CDH11: variants seen among roughly 807,000 people sequenced by gnomAD.
CDH11 encodes cadherin-11.
Under a neutral mutation model 67.8 loss-of-function variants are expected in CDH11, and 11 were observed. That is an observed-to-expected ratio of 0.16 (90% CI 0.10 to 0.27). CDH11 has a LOEUF of 0.27. Ranked by LOEUF, CDH11 falls within the 10% of genes least tolerant of loss-of-function variation. The pLI, the probability that CDH11 is intolerant of heterozygous loss-of-function variation, is 1.00. For missense variants in CDH11, 847 were observed against 1,031.2 expected (o/e 0.82, Z 2.45); for synonymous variants, 419 against 400.0 (o/e 1.05, Z -0.57).
intron 5 of CDH11, 25 bp from the exon 6 acceptor site, chr16:64,991,960 A>C (rs201506118): frequency 1.3e-6 from 2 of 1,537,370 alleles, no homozygotes; most frequent in African/African-American, 1.4e-5. Context: ...AGGCAACATC[A>C]CAGATATTCG....
At chr16:65,119,313 C>T (rs1273535503) in intron 1 of CDH11, among the ~76,000 whole-genome samples, 1 of 152,060 alleles carries the variant, frequency 6.6e-6, no homozygotes, top group Non-Finnish European at 1.5e-5. Context: ...CATGCACATC[C>T]ACAGCCACCA....
intron 2 of CDH11, among the ~76,000 whole-genome samples, chr16:65,043,812 T>C (rs1327157497): frequency 6.6e-6 from 1 of 152,166 alleles, no homozygotes; most frequent in East Asian, 1.9e-4. Context: ...TGTGGTTTGA[T>C]AGAACATTGG....
intron 3 of CDH11, among the ~76,000 whole-genome samples, chr16:65,002,160 A>G (rs542052742): frequency 9.2e-5 from 14 of 152,284 alleles, no homozygotes; most frequent in African/African-American, 3.1e-4. Flanking sequence ...CGGACATCAG[A>G]TTCATTCTCA....
chr16:64,946,006 A>C lies in CDH11; in HGVS notation c.*1597T>G, dbSNP rs2071189840. 9.4e-7 allele frequency: 1 copy of C among 1,058,868 alleles called. No individual in the cohort carries two copies. Among genetic ancestry groups the C allele is most frequent in the Non-Finnish European group, 1.1e-6 (1 of 875,256 alleles). 65.6% of individuals were successfully genotyped at this position (1,058,868 alleles called of 1,614,324 possible). A position where few individuals can be genotyped will look rare whatever the true frequency, so the allele number is the denominator to read the frequency against. On this transcript the variant is annotated 3_prime_UTR_variant, in exon 13 of 13. Transcript: ENST00000268603. ...ACTGAACAGGTGAAATGCCCTTCAC[A>C]TAAGTTTCAATCCCCAAGAAACTAG... is the stretch of plus-strand genomic sequence containing the variant.
At chr16:64,949,308 T>A (rs1411010738) in intron 12 of CDH11, among the ~76,000 whole-genome samples, 1 of 152,170 alleles carries the variant, frequency 6.6e-6, no homozygotes, top group Non-Finnish European at 1.5e-5. Context: ...TTTGAAATAT[T>A]CATTTATCCA....
chr16:64,982,275 G>A lies in CDH11; in HGVS notation c.1026C>T (p.Ala342=). ...KKPVDFETKR[A]YSLKVEAANV... is the part of the protein sequence containing the mutation. ...TGGCTGCCTCTACCTTCAAGCTATA[G>A]GCTCTTTTGGTTTCAAAATCTACAG... The change falls in exon 8 of 13, where the codon GCC becomes GCT. Residue 342 remains alanine (A), a synonymous_variant. Transcript: ENST00000268603. 1 of 1,612,406 alleles carries A rather than the reference G, an allele frequency of 6.2e-7. No individual in the cohort carries two copies. The highest frequency in any genetic ancestry group is 1.1e-5 in the South Asian group (1 of 90,842).
intron 2 of CDH11, among the ~76,000 whole-genome samples, chr16:65,028,292 C>A (rs998484806): frequency 1.3e-5 from 2 of 152,086 alleles, no homozygotes; most frequent in Non-Finnish European, 2.9e-5. Context: ...TCTGCCCCTG[C>A]CTCTGGCATT....
At chr16:64,986,505 C>T (rs1264140452) in intron 7 of CDH11, 1 of 151,912 alleles carries the variant, frequency 6.6e-6, no homozygotes, top group East Asian at 1.9e-4. Context: ...TACCCAATTA[C>T]ATGAACAGCA....
At chr16:65,058,840 A>G (rs2074191128) in intron 1 of CDH11, among the ~76,000 whole-genome samples, 1 of 152,204 alleles carries the variant, frequency 6.6e-6, no homozygotes, top group South Asian at 2.1e-4. Context: ...ATTTTGAAGA[A>G]TGATTGTGGA....
At chr16:64,990,280 G>A (rs900299289) in intron 6 of CDH11, among the ~76,000 whole-genome samples, 1 of 152,136 alleles carries the variant, frequency 6.6e-6, no homozygotes, top group Non-Finnish European at 1.5e-5. Context: ...AATGTTATAT[G>A]AGCCTCAGGC....
At chr16:64,987,464 T>C (rs1190386179) in intron 7 of CDH11, 1 of 152,220 alleles carries the variant, frequency 6.6e-6, no homozygotes, top group Non-Finnish European at 1.5e-5. Context: ...CTTCATACTT[T>C]TGTTTGTTTT....
chr16:65,071,760 C>G (rs886357285), intron 1 of CDH11, among the ~76,000 whole-genome samples: 16 of 152,288 alleles, frequency 1.1e-4, no homozygotes, highest in South Asian at 8.3e-4. Flanking sequence ...CAGCAGCAAC[C>G]AGGCTGGAAT....
chr16:65,041,818 C>A (rs1020474233), intron 2 of CDH11, among the ~76,000 whole-genome samples: 1 of 152,186 alleles, frequency 6.6e-6, no homozygotes, highest in Non-Finnish European at 1.5e-5. Flanking sequence ...GTCAGGCAAG[C>A]CGGAGCAGGC....
intron 11 of CDH11, among the ~76,000 whole-genome samples, chr16:64,958,613 G>C (rs910790908): frequency 6.6e-6 from 1 of 152,074 alleles, no homozygotes; most frequent in African/African-American, 2.4e-5. Context: ...GAAAATAACA[G>C]AACTAGAATT....
At chr16:65,018,950 C>A (rs1205986038) in intron 2 of CDH11, among the ~76,000 whole-genome samples, 1 of 152,170 alleles carries the variant, frequency 6.6e-6, no homozygotes, top group Non-Finnish European at 1.5e-5. Context: ...ACAAGGAAAT[C>A]CAGTTACCTC....
intron 2 of CDH11, among the ~76,000 whole-genome samples, chr16:65,030,603 T>C (rs2142617929): frequency 6.6e-6 from 1 of 152,282 alleles, no homozygotes; most frequent in Non-Finnish European, 1.5e-5. Context: ...CAGGGTCTCC[T>C]TCTGTCTTCA....
intron 8 of CDH11, among the ~76,000 whole-genome samples, chr16:64,978,104 G>C (rs1296583652): frequency 2.0e-5 from 3 of 152,158 alleles, no homozygotes; most frequent in African/African-American, 7.2e-5. Flanking sequence ...AACCCCCAGT[G>C]TGTGCTCAAT....
intron 3 of CDH11, among the ~76,000 whole-genome samples, chr16:65,000,091 C>T (rs2072881498): frequency 6.6e-6 from 1 of 152,174 alleles, no homozygotes; most frequent in Non-Finnish European, 1.5e-5. Context: ...GAATCTTAAA[C>T]ATCCCCAAGT....
Position 65,041,448 on chromosome 16 carries a change from C to T in CDH11, c.-173+12356G>A, listed in dbSNP as rs139384651. ...TTTTCATCTTAATGAACTGTCCAGTCGAGTGTAGCAATGGGAATAGTGATA... is the reference window on the plus strand; with the variant it reads ...TTTTCATCTTAATGAACTGTCCAGTTGAGTGTAGCAATGGGAATAGTGATA... On this transcript the variant is annotated intron_variant, in intron 2 of 12. Transcript: ENST00000268603. Among the ~76,000 whole-genome samples, 383 of 151,962 alleles carry T rather than the reference C, an allele frequency of 2.5e-3. 3 individuals carry two copies. Among genetic ancestry groups the T allele is most frequent in the African/African-American group, 8.5e-3 (352 of 41,496 alleles).
Sources: gnomAD v4.1 joint callset for allele counts (sites outside exome capture counted in the v4.1 genomes callset) on GRCh38, gnomAD v4.1.1 for gene constraint, MANE v1.5 for transcripts, NCBI Gene and HGNC (gene_info 2026-07-23, HGNC 2026-07-21) for gene names.